Variants in SLC25A40 observed in about 807,000 individuals in gnomAD.
SLC25A40 encodes the protein mitochondrial glutathione transporter SLC25A40.
SLC25A40 carries 41 observed loss-of-function variants against 46.5 expected under a neutral mutation model. The observed-to-expected ratio is 0.88, with a 90% CI of 0.69 to 1.14. SLC25A40 has a LOEUF of 1.14. SLC25A40 is among the 50% of genes most tolerant of loss of function. SLC25A40 has a pLI of 0.00. For synonymous variants in SLC25A40, 126 were observed against 127.5 expected (o/e 0.99, Z 0.08); for missense variants, 386 against 393.6 (o/e 0.98, Z 0.16).
In SLC25A40 at chr7:87,836,368, A is replaced by T; in HGVS notation, c.905-7T>A. ...ATTAAGCGAGGAATTAGGCCTGAGA[A>T]AAGAATAGGAATAATCAAAACAAAT... On this transcript the variant is annotated splice_polypyrimidine_tract_variant and splice_region_variant and intron_variant, in intron 11 of 11. Coordinates refer to ENST00000341119, the MANE Select transcript of SLC25A40 (RefSeq NM_018843.4). 1.4e-6 allele frequency: 2 copies of T among 1,459,366 alleles called. No homozygotes were observed. Among genetic ancestry groups the T allele is most frequent in the Non-Finnish European group, 1.8e-6 (2 of 1,092,990 alleles). 90.4% of individuals were successfully genotyped at this position (1,459,366 alleles called of 1,614,324 possible). A position where few individuals can be genotyped will look rare whatever the true frequency, so the allele number is the denominator to read the frequency against.
At chr7:87,847,269 G>T in intron 7 of SLC25A40, 147 bp from the exon 8 acceptor site, 1 of 554,554 alleles carries the variant, frequency 1.8e-6, no homozygotes, top group Non-Finnish European at 2.8e-6. Context: ...AATGTGTCAT[G>T]ATGTCAACAT....
chr7:87,870,275 A>G (rs1296963908), intron 1 of SLC25A40, among the ~76,000 whole-genome samples: 1 of 151,736 alleles, frequency 6.6e-6, no homozygotes, highest in Non-Finnish European at 1.5e-5. Flanking sequence ...TTCAACATAC[A>G]AAAGTTTTAA....
chr7:87,839,653 C>T (rs893565798), intron 10 of SLC25A40, among the ~76,000 whole-genome samples: 6 of 151,652 alleles, frequency 4.0e-5, no homozygotes, highest in Non-Finnish European at 5.9e-5. Context: ...TACATGCTAA[C>T]GTGCTTCTGA....
chr7:87,844,802 A>C (rs1019260717), intron 8 of SLC25A40, among the ~76,000 whole-genome samples: 3 of 148,542 alleles, frequency 2.0e-5, no homozygotes, highest in Admixed American at 7.0e-5. Context: ...GCTGGGGGGC[A>C]GTGGGGGTAT....
At position 87,847,900 on chromosome 7, in the gene SLC25A40, CCTAA is replaced by C. The variant is rs765099553; in HGVS notation, c.406_409del (p.Leu136GlufsTer14). 3.7e-6 allele frequency: 6 copies of C among 1,611,968 alleles called. No individual in the cohort carries two copies. The highest frequency in any genetic ancestry group is 1.7e-5 in the Admixed American group (1 of 59,730). On this transcript the variant is annotated frameshift_variant, in exon 7 of 12. Coordinates refer to ENST00000341119, the MANE Select transcript of SLC25A40 (RefSeq NM_018843.4). LOFTEE classifies it high-confidence loss of function. ...AATTGGTATGCAGGTTTCATTTTCT[CCTAA>C]CTTAGATCTCAGAAGAGCACTTAAT...
chr7:87,839,705 T>C (rs1327626593), intron 10 of SLC25A40, among the ~76,000 whole-genome samples: 4 of 151,722 alleles, frequency 2.6e-5, no homozygotes, highest in Non-Finnish European at 5.9e-5. Flanking sequence ...CTTTGAGGAT[T>C]TGGGTAATTG....
intron 1 of SLC25A40, among the ~76,000 whole-genome samples, chr7:87,866,920 T>C (rs1838810967): frequency 6.6e-6 from 1 of 152,218 alleles, no homozygotes; most frequent in Non-Finnish European, 1.5e-5. Flanking sequence ...ACCAATAAAT[T>C]GGGTGGAGCC....
At chr7:87,865,557 G>A (rs1379174974) in intron 1 of SLC25A40, among the ~76,000 whole-genome samples, 1 of 152,186 alleles carries the variant, frequency 6.6e-6, no homozygotes, top group African/African-American at 2.4e-5. Flanking sequence ...GATCACTTAA[G>A]GCCACAAGTT....
chr7:87,842,909 G>T (rs1037402525), intron 9 of SLC25A40, among the ~76,000 whole-genome samples: 5 of 151,884 alleles, frequency 3.3e-5, no homozygotes, highest in South Asian at 2.1e-4. Context: ...ATACTAATTG[G>T]TTTTTTTGTT....
intron 3 of SLC25A40, among the ~76,000 whole-genome samples, chr7:87,858,070 T>A (rs1562747297): frequency 6.6e-6 from 1 of 152,194 alleles, no homozygotes; most frequent in African/African-American, 2.4e-5. Context: ...CCTGGTCTCC[T>A]GCAGTACCCT....
intron 1 of SLC25A40, among the ~76,000 whole-genome samples, chr7:87,864,876 G>A (rs1267588683): frequency 6.6e-6 from 1 of 151,694 alleles, no homozygotes; most frequent in Non-Finnish European, 1.5e-5. Context: ...TTTCTAACTT[G>A]TCTCCTCTTC....
In SLC25A40 at chr7:87,876,317, G is replaced by A. The variant is rs1384888937; in HGVS notation, c.-315C>T. ...GCAACGGAATGGAGGCGGGGTAGAG[G>A]CGGAAACACAACCTGCAGGGCCAGA... is the stretch of plus-strand genomic sequence containing the variant. On this transcript the variant is annotated 5_prime_UTR_variant, in exon 1 of 12. Transcript: ENST00000341119. 6.0e-6 allele frequency: 1 copy of A among 167,490 alleles called. No homozygotes were observed. The highest frequency in any genetic ancestry group is 1.3e-5 in the Non-Finnish European group (1 of 79,102). 10.4% of individuals were successfully genotyped at this position (167,490 alleles called of 1,614,324 possible).
At chr7:87,853,848 AAATT>A (rs1838557802) in intron 5 of SLC25A40, among the ~76,000 whole-genome samples, 1 of 145,404 alleles carries the variant, frequency 6.9e-6, no homozygotes, top group South Asian at 2.1e-4. Flanking sequence ...TGTGATAATG[AAATT>A]ATTATTTTAA....
chr7:87,851,751 C>A (rs143222849), intron 5 of SLC25A40, among the ~76,000 whole-genome samples: 1 of 152,158 alleles, frequency 6.6e-6, no homozygotes, highest in African/African-American at 2.4e-5. Flanking sequence ...GGACTTCTAA[C>A]GCTACCCGGC....
intron 1 of SLC25A40, among the ~76,000 whole-genome samples, chr7:87,864,262 ATAATT>A (rs1450380430): frequency 2.6e-5 from 4 of 152,226 alleles, no homozygotes; most frequent in Non-Finnish European, 4.4e-5. Flanking sequence ...GGTGGATGTG[ATAATT>A]TAATACATTC....
intron 5 of SLC25A40, among the ~76,000 whole-genome samples, chr7:87,853,495 G>C (rs948267877): frequency 2.0e-5 from 3 of 152,152 alleles, no homozygotes; most frequent in African/African-American, 7.2e-5. Context: ...CCCAGAGTAA[G>C]TGAATGTTTG....
rs137857527 is a variant in SLC25A40 at position 87,863,339 on chromosome 7, T to C, written c.-93-2699A>G. 2.9e-3 allele frequency among the ~76,000 whole-genome samples: 442 copies of C among 152,230 alleles called. 3 individuals carry two copies. Among genetic ancestry groups the C allele is most frequent in the African/African-American group, 9.9e-3 (410 of 41,534 alleles). ...GGTTACCCACATGATGTTCTTGTGA[T>C]AGTGCGTTCTCACAAGATCTGATGG... On this transcript the variant is annotated intron_variant, in intron 1 of 11. Transcript: ENST00000341119.
Position 87,836,770 on chromosome 7 carries a change from C to A in SLC25A40, c.864G>T (p.Lys288Asn). Residue 288 changes from lysine (K) to asparagine (N), a missense_variant, in exon 11 of 12, where the codon AAG (lysine) becomes AAT (asparagine). By Grantham distance (94) the Lys-to-Asn change is moderately conservative. Transcript: ENST00000341119. Reference sequence around the variant, plus strand: ...AAAATCCATTTTTAGCAACAATGTTCTTCATTATAATCCAGGTTGACATAT... The same window carrying A: ...AAAATCCATTTTTAGCAACAATGTTATTCATTATAATCCAGGTTGACATAT... ...PLHMSTWIIM[K>N]NIVAKNGFSG... 1 of 1,541,484 alleles carries A rather than the reference C, an allele frequency of 6.5e-7. No homozygotes were observed. Among genetic ancestry groups the A allele is most frequent in the South Asian group, 1.3e-5 (1 of 79,938 alleles).
rs1327477037 is a variant in SLC25A40, at chr7:87,834,644, T to G, written c.*1605A>C. On this transcript the variant is annotated 3_prime_UTR_variant, in exon 12 of 12. Transcript: ENST00000341119. The stretch of plus-strand genomic sequence containing the variant: ...CTTTTGGGAACAGTATTTTTTCTGT[T>G]TTCTATGAATTACCCATAAGCATAG... 1.3e-5 allele frequency: 2 copies of G among 151,682 alleles called. No homozygotes were observed. The highest frequency in any genetic ancestry group is 4.8e-5 in the African/African-American group (2 of 41,394). 9.4% of individuals were successfully genotyped at this position (151,682 alleles called of 1,614,324 possible). A position where few individuals can be genotyped will look rare whatever the true frequency, so the allele number is the denominator to read the frequency against.
Sources: allele counts gnomAD v4.1 joint callset (sites outside exome capture counted in the v4.1 genomes callset), GRCh38; gene constraint gnomAD v4.1.1; transcripts MANE v1.5; gene names NCBI Gene and HGNC (gene_info 2026-07-23, HGNC 2026-07-21).